Variants in ZNF704 observed in about 807,000 individuals in gnomAD.
ZNF704 encodes the protein zinc finger protein 704.
A neutral mutation model predicts 44.7 loss-of-function variants in ZNF704; 10 were observed. The observed-to-expected ratio is 0.22, with a 90% CI of 0.14 to 0.38. ZNF704 has a LOEUF of 0.38. ZNF704 is among the 10% of genes least tolerant of loss of function. The pLI is 1.00. For synonymous variants in ZNF704, 211 were observed against 207.6 expected, an observed-to-expected ratio of 1.02 and a Z score of -0.14; for missense variants, 390 against 545.5, an observed-to-expected ratio of 0.71 and a Z score of 2.84.
chr8:80,675,851 T>C (rs942155570), intron 4 of ZNF704, among the ~76,000 whole-genome samples: 1 of 152,192 alleles, frequency 6.6e-6, no homozygotes, highest in South Asian at 2.1e-4. Flanking sequence ...GGGATAGAGA[T>C]ATAAATTTGG....
intron 2 of ZNF704, among the ~76,000 whole-genome samples, chr8:80,731,257 T>C (rs774443909): frequency 7.2e-5 from 11 of 152,214 alleles, no homozygotes; most frequent in Non-Finnish European, 1.2e-4. Flanking sequence ...TTTAAAATAC[T>C]TGCCACTTAA....
intron 1 of ZNF704, among the ~76,000 whole-genome samples, chr8:80,825,690 A>T (rs1356483406): frequency 6.6e-6 from 1 of 152,228 alleles, no homozygotes; most frequent in African/African-American, 2.4e-5. Context: ...AGCACTCCTC[A>T]GCAAATGTAA....
chr8:80,725,480 T>C (rs761887221), intron 2 of ZNF704, among the ~76,000 whole-genome samples: 10 of 152,124 alleles, frequency 6.6e-5, no homozygotes, highest in Non-Finnish European at 1.5e-4. Context: ...AAGAAGAACA[T>C]GGACACGAAA....
At chr8:80,674,039 G>T (rs1818321493) in intron 4 of ZNF704, among the ~76,000 whole-genome samples, 2 of 152,228 alleles carry the variant, frequency 1.3e-5, no homozygotes, top group Admixed American at 6.5e-5. Flanking sequence ...AGAGCTACAT[G>T]AGTTACAGCT....
intron 2 of ZNF704, among the ~76,000 whole-genome samples, chr8:80,772,043 A>C (rs2129663257): frequency 6.6e-6 from 1 of 152,332 alleles, no homozygotes; most frequent in South Asian, 2.1e-4. Context: ...ATTGATCTTC[A>C]AATATTGAGT....
chr8:80,828,709 T>C (rs1447711402), intron 1 of ZNF704, among the ~76,000 whole-genome samples: 3 of 152,208 alleles, frequency 2.0e-5, no homozygotes, highest in Admixed American at 6.5e-5. Context: ...ATTTTCAGAA[T>C]ACAAGGAGAA....
intron 2 of ZNF704, among the ~76,000 whole-genome samples, chr8:80,787,201 G>A (rs1807629180): frequency 6.6e-6 from 1 of 152,326 alleles, no homozygotes; most frequent in East Asian, 1.9e-4. Context: ...ACCATCCAAG[G>A]AAATCAGGCA....
chr8:80,860,318 G>A (rs1438341582), intron 1 of ZNF704, among the ~76,000 whole-genome samples: 2 of 152,150 alleles, frequency 1.3e-5, no homozygotes, highest in Admixed American at 1.3e-4. Flanking sequence ...GTGTTGAAAT[G>A]GGGCAAGTGG....
chr8:80,821,571 C>A lies in ZNF704; in HGVS notation c.24G>T (p.Glu8Asp). The change falls in exon 2 of 9, where the codon GAG becomes GAT. Residue 8 changes from glutamate to aspartate, a missense_variant. Physicochemically the swap from Glu to Asp is conservative, Grantham distance 45. This residue lies in a region of ZNF704 where 80 missense variants were observed against 83.7 expected (regional missense o/e 0.96). Coordinates refer to ENST00000327835, the MANE Select transcript of ZNF704 (RefSeq NM_001033723.3). ...TTTTACCACAGTCACGTTTTAAGTC[C>A]TCTGACTGAAATGTGAAGGTCATTT... is the stretch of plus-strand genomic sequence containing the variant. The part of the protein sequence containing the change: MTFTFQS[E>D]DLKRDCGKKM... 3 of 1,613,624 alleles carry A rather than the reference C, an allele frequency of 1.9e-6. No homozygotes were observed. The highest frequency in any genetic ancestry group is 3.3e-4 in the Middle Eastern group (2 of 6,060).
rs554585757 is a variant in ZNF704, at chr8:80,789,339, C to G, written c.221+32035G>C. Among the ~76,000 whole-genome samples, 10 of 152,196 alleles carry G rather than the reference C, an allele frequency of 6.6e-5. No homozygotes were observed. The South Asian group carries it at 2.1e-3, about 32-fold the overall frequency. ...CTGATTATGAGGTCTAATTTAGTTA[C>G]CATCTTACATTGATATATCAGCAAA... On this transcript the variant is annotated intron_variant, in intron 2 of 8. Transcript: ENST00000327835.
intron 3 of ZNF704, among the ~76,000 whole-genome samples, chr8:80,690,882 G>A (rs569047318): frequency 1.3e-5 from 2 of 152,314 alleles, no homozygotes; most frequent in South Asian, 4.1e-4. Flanking sequence ...GGTGGCACAT[G>A]CCAGTAATCT....
rs566917906 is a variant in ZNF704 at position 80,763,247 on chromosome 8, C to T, written c.221+58127G>A. On this transcript the variant is annotated intron_variant, in intron 2 of 8. Transcript: ENST00000327835. ...GACTCTGGTGGGGGCTCCAACCCCA[C>T]ATTTCCCTTCCACACTGCCCTAGCA... Among the ~76,000 whole-genome samples the T allele has an allele frequency of 3.9e-5, 6 of 152,364 alleles. No individual in the cohort carries two copies. In the South Asian group the frequency reaches 1.0e-3, roughly 26 times the overall value.
At chr8:80,770,011 G>C (rs1043947717) in intron 2 of ZNF704, among the ~76,000 whole-genome samples, 2 of 152,172 alleles carry the variant, frequency 1.3e-5, no homozygotes, top group Non-Finnish European at 2.9e-5. Context: ...TGGCAGACAA[G>C]AGAAAAGAAC....
intron 6 of ZNF704, 134 bp downstream of exon 6, chr8:80,664,681 G>T: frequency 9.2e-7 from 1 of 1,084,258 alleles, no homozygotes; most frequent in Non-Finnish European, 1.3e-6. Context: ...GCTTTAAAGG[G>T]AGAAAAATCA....
chr8:80,805,185 A>G (rs563932820), intron 2 of ZNF704, among the ~76,000 whole-genome samples: 1 of 152,186 alleles, frequency 6.6e-6, no homozygotes, highest in Non-Finnish European at 1.5e-5. Flanking sequence ...TTGGGGACCC[A>G]TCTCGTCACT....
At chr8:80,841,146 C>G (rs1030776014) in intron 1 of ZNF704, among the ~76,000 whole-genome samples, 1 of 152,234 alleles carries the variant, frequency 6.6e-6, no homozygotes, top group Non-Finnish European at 1.5e-5. Context: ...TGGGTAGCAC[C>G]AGGAACCTTT....
intron 1 of ZNF704, among the ~76,000 whole-genome samples, chr8:80,832,773 ACTCTTT>A (rs1369260212): frequency 8.5e-5 from 13 of 152,146 alleles, no homozygotes; most frequent in African/African-American, 2.7e-4. Context: ...TGGCTGAGCA[ACTCTTT>A]AAGGCCCTTC....
At chr8:80,709,502 C>G (rs931435968) in intron 2 of ZNF704, among the ~76,000 whole-genome samples, 2 of 143,508 alleles carry the variant, frequency 1.4e-5, no homozygotes, top group Non-Finnish European at 3.0e-5. Context: ...TTTGACTCTT[C>G]CAAGAAGCAG....
chr8:80,862,890 T>C (rs1271885970), intron 1 of ZNF704, among the ~76,000 whole-genome samples: 1 of 151,668 alleles, frequency 6.6e-6, no homozygotes. Context: ...TCATAAGATA[T>C]GCAAATAGAG....
Sources: allele counts gnomAD v4.1 joint callset (sites outside exome capture counted in the v4.1 genomes callset), GRCh38; gene constraint gnomAD v4.1.1; regional missense constraint gnomAD v4.1.1; transcripts MANE v1.5; gene names NCBI Gene and HGNC (gene_info 2026-07-23, HGNC 2026-07-21).